IFT140: variants seen among roughly 807,000 people sequenced by gnomAD.
The protein encoded by IFT140 is intraflagellar transport protein 140 homolog.
A neutral mutation model predicts 164.6 loss-of-function variants in IFT140; 133 were observed. The observed-to-expected ratio is 0.81, with a 90% CI of 0.70 to 0.93. The LOEUF is 0.93. Ranked by LOEUF, IFT140 falls within the 40% of genes least tolerant of loss-of-function variation. The pLI is 0.00. For synonymous variants in IFT140, 860 were observed against 817.3 expected (o/e 1.05, Z -0.89); for missense variants, 2,045 against 1,972.3 (o/e 1.04, Z -0.70).
rs2034869421 is a variant in IFT140 at position 1,586,213 on chromosome 16, G to A, written c.1072C>T (p.Leu358=). 4 of 1,613,828 alleles carry A rather than the reference G, an allele frequency of 2.5e-6. No individual in the cohort carries two copies. The highest frequency in any genetic ancestry group is 2.7e-5 in the African/African-American group (2 of 74,874). ...TTGCCCTCTGCCCCGGGGCTGCCCAGGAAGTCTGGTACTTTCCTCCACATG... is the reference window on the plus strand; with the variant it reads ...TTGCCCTCTGCCCCGGGGCTGCCCAAGAAGTCTGGTACTTTCCTCCACATG... The part of the protein sequence containing the change: ...VAMWRKVPDF[L]GSPGAEGKDR... Residue 358 remains leucine, a synonymous_variant, in exon 10 of 31, where the codon CTG becomes TTG. Transcript: ENST00000426508.
In IFT140 at chr16:1,526,654, G is replaced by A. The variant is rs201384469; in HGVS notation, c.2542C>T (p.Arg848Cys). The A allele has an allele frequency of 1.0e-4, 165 of 1,590,834 alleles. No homozygotes were observed. In the East Asian group the frequency reaches 2.5e-3, roughly 24 times the overall value. ...AGCTGCGTGGCCAGCACGGCCACGC[G>A]GGCCTCTAGCTCCGGCTCCTGCTCC... is the stretch of plus-strand genomic sequence containing the variant. ...EAEQEPELEA[R>C]VAVLATQLGM... Residue 848 changes from arginine to cysteine, a missense_variant, in exon 20 of 31, where the codon CGC becomes TGC. By Grantham distance (180) the Arg-to-Cys change is radical. Transcript: ENST00000426508.
At chr16:1,512,958 G>A (rs2141103558) in intron 30 of IFT140, 1 of 152,224 alleles carries the variant, frequency 6.6e-6, no homozygotes, top group East Asian at 1.9e-4. Context: ...AGCCCTGAGG[G>A]AGAGCCACTG....
intron 30 of IFT140, among the ~76,000 whole-genome samples, chr16:1,516,139 CAAAAAAAAAAAAAAAAAAA>C (rs869165237): frequency 3.5e-4 from 16 of 46,024 alleles, no homozygotes; most frequent in Admixed American, 2.9e-3. Context: ...AACTCTGTCT[CAAAAAAAAAAAAAAAAAAA>C]AAAAAAAAAA....
chr16:1,572,775 C>T (rs1441526748), intron 13 of IFT140, among the ~76,000 whole-genome samples: 1 of 152,274 alleles, frequency 6.6e-6, no homozygotes, highest in Non-Finnish European at 1.5e-5. Context: ...AAGCGAAGCT[C>T]TTGGCTCAAT....
intron 30 of IFT140, among the ~76,000 whole-genome samples, chr16:1,517,282 G>A (rs1013855087): frequency 2.6e-5 from 4 of 151,504 alleles, no homozygotes; most frequent in African/African-American, 7.3e-5. Flanking sequence ...CCCAGGAGGC[G>A]GAGCTTGCAG....
intron 5 of IFT140, 73 bp downstream of exon 5, chr16:1,592,394 T>C: frequency 6.2e-7 from 1 of 1,610,916 alleles, no homozygotes; most frequent in Non-Finnish European, 8.5e-7. Context: ...CCCTCCTGGG[T>C]CAGGAGCAGC....
chr16:1,522,745 G>A (rs931343378), intron 26 of IFT140, among the ~76,000 whole-genome samples: 26 of 152,172 alleles, frequency 1.7e-4, no homozygotes, highest in African/African-American at 6.3e-4. Flanking sequence ...GGCTGAAGCA[G>A]GAGAATCGCC....
At chr16:1,560,838 A>G (rs1478931575) in intron 18 of IFT140, among the ~76,000 whole-genome samples, 2 of 152,234 alleles carry the variant, frequency 1.3e-5, no homozygotes, top group Non-Finnish European at 2.9e-5. Flanking sequence ...CCGAGTCTAC[A>G]GGGTTTAGTC....
At chr16:1,571,180 T>A (rs556891441) in intron 14 of IFT140, among the ~76,000 whole-genome samples, 5 of 152,092 alleles carry the variant, frequency 3.3e-5, no homozygotes, top group Non-Finnish European at 7.4e-5. Flanking sequence ...CCCTCACCAC[T>A]CCCTGTGCTT....
intron 24 of IFT140, 28 bp downstream of exon 24, chr16:1,524,524 C>G (rs1335493283): frequency 6.2e-7 from 1 of 1,609,008 alleles, no homozygotes; most frequent in African/African-American, 1.3e-5. Context: ...TCGAGAAGCG[C>G]CGGCTCCCCA....
intron 3 of IFT140, among the ~76,000 whole-genome samples, chr16:1,605,116 G>A (rs770717650): frequency 4.6e-5 from 7 of 152,162 alleles, no homozygotes; most frequent in Non-Finnish European, 8.8e-5. Context: ...AGGAAGAAAT[G>A]GAGAGGAGCC....
chr16:1,572,885 G>T (rs1420147638), intron 13 of IFT140, among the ~76,000 whole-genome samples: 1 of 152,218 alleles, frequency 6.6e-6, no homozygotes, highest in Non-Finnish European at 1.5e-5. Context: ...CCACGTGGGG[G>T]CAGCGAGTCA....
chr16:1,518,425 G>A lies in IFT140; in HGVS notation c.4041-68C>T, dbSNP rs909013233. 8 of 1,520,026 alleles carry A rather than the reference G, an allele frequency of 5.3e-6. No individual in the cohort carries two copies. The African/African-American group carries it at 1.1e-4, about 21-fold the overall frequency. The allele number at this position is 1,520,026 out of a possible 1,614,324, so 94.2% of individuals were successfully genotyped here. On this transcript the variant is annotated intron_variant, in intron 29 of 30. Transcript: ENST00000426508. ...CACCTACTGCTATCAGAGGTCAGAG[G>A]AGACTCTTGGCCTGTAAGAGGAGCT...
At chr16:1,590,388 C>T (rs1414539839) in intron 6 of IFT140, among the ~76,000 whole-genome samples, 1 of 151,916 alleles carries the variant, frequency 6.6e-6, no homozygotes, top group East Asian at 1.9e-4. Flanking sequence ...GCTCTGAGTC[C>T]ACCTCATACC....
rs548992623 is a variant in IFT140 at position 1,525,900 on chromosome 16, G to C, written c.2755C>G (p.Arg919Gly). The C allele has an allele frequency of 9.0e-5, 139 of 1,548,294 alleles. 1 individual carries two copies. The East Asian group carries it at 3.2e-3, about 35-fold the overall frequency. Residue 919 changes from arginine (R) to glycine (G), a missense_variant, in exon 21 of 31, where the codon CGG (arginine) becomes GGG (glycine). Transcript: ENST00000426508. The stretch of plus-strand genomic sequence containing the variant: ...GGCCGCACTCACTAACTGAGGGCCC[G>C]GCTGCAGTCGGCGCTGGCCTCCAGG... Reference protein sequence around the residue: ...GHLEASADCSRALSYYEKSDT... With the variant: ...GHLEASADCSGALSYYEKSDT...
intron 19 of IFT140, among the ~76,000 whole-genome samples, chr16:1,545,003 G>T (rs1171596525): frequency 6.6e-6 from 1 of 152,210 alleles, no homozygotes; most frequent in African/African-American, 2.4e-5. Flanking sequence ...GAATTATTAG[G>T]ACTACTGTGG....
Position 1,562,133 on chromosome 16 carries a change from A to G in IFT140, c.2068-17T>C, listed in dbSNP as rs1409619065. On this transcript the variant is annotated splice_polypyrimidine_tract_variant and intron_variant, in intron 17 of 30. Coordinates refer to ENST00000426508, the MANE Select transcript of IFT140 (RefSeq NM_014714.4). ...AACATCTGCCTGGGAGAGAAAGAAAAGTACTGTTCTGTTTTTTTTTTTAAC... is the reference window on the plus strand; with the variant it reads ...AACATCTGCCTGGGAGAGAAAGAAAGGTACTGTTCTGTTTTTTTTTTTAAC... 6.4e-7 allele frequency: 1 copy of G among 1,558,996 alleles called. No homozygotes were observed. The highest frequency in any genetic ancestry group is 2.1e-5 in the Admixed American group (1 of 48,758).
rs780485191 is a variant in IFT140 at position 1,521,917 on chromosome 16, T to TA, written c.3454-1110dup. Among the ~76,000 whole-genome samples the TA allele has an allele frequency of 4.7e-3, 619 of 131,532 alleles. 2 individuals carry two copies. Among genetic ancestry groups the TA allele is most frequent in the South Asian group, 5.2e-3 (21 of 4,046 alleles). The allele number at this position is 131,532 out of a possible 152,430, so 86.3% of individuals were successfully genotyped here. On this transcript the variant is annotated intron_variant, in intron 26 of 30. Coordinates refer to ENST00000426508, the MANE Select transcript of IFT140 (RefSeq NM_014714.4). ...TATGAAGTAATAACACATTTATATTTAAAAAAAAAAAAAAAAAGAATATGG... is the reference window on the plus strand; with the variant it reads ...TATGAAGTAATAACACATTTATATTTAAAAAAAAAAAAAAAAAAGAATATGG...
In IFT140 at chr16:1,531,383, T is replaced by G. The variant is rs2030475781; in HGVS notation, c.2400-4587A>C. 1 of 152,132 alleles carries G rather than the reference T, an allele frequency of 6.6e-6. No homozygotes were observed. The highest frequency in any genetic ancestry group is 1.5e-5 in the Non-Finnish European group (1 of 68,046). The allele number at this position is 152,132 out of a possible 1,614,324, so 9.4% of individuals were successfully genotyped here. On this transcript the variant is annotated intron_variant, in intron 19 of 30. Transcript: ENST00000426508. The surrounding 1 kb of genome is among the most constrained non-coding windows in gnomAD (Gnocchi z 4.7). ...TGAGGGTGGCTGGCGAACAGCGGCT[T>G]GACGATCATGCTTGCCGAGGCCGCC... is the stretch of plus-strand genomic sequence containing the variant.
Sources: allele counts gnomAD v4.1 joint callset (sites outside exome capture counted in the v4.1 genomes callset), GRCh38; gene constraint gnomAD v4.1.1; non-coding constraint Gnocchi (gnomAD v3.1); transcripts MANE v1.5; gene names NCBI Gene and HGNC (gene_info 2026-07-23, HGNC 2026-07-21).